The following PTCHD4 variants were observed in gnomAD, a reference collection of about 807,000 sequenced individuals.
PTCHD4 encodes the protein patched domain containing 4, also known as patched domain-containing protein 4.
A neutral mutation model predicts 58.1 loss-of-function variants in PTCHD4; 33 were observed. The observed-to-expected ratio is 0.57, with a 90% CI of 0.43 to 0.76. The LOEUF (loss-of-function observed/expected upper bound fraction) is 0.76, where lower values mean the gene tolerates loss of function less well. PTCHD4 is among the 30% of genes least tolerant of loss of function. The pLI is 0.00. For missense variants in PTCHD4, 1,058 were observed against 1,027.1 expected (o/e 1.03, Z -0.41); for synonymous variants, 478 against 409.6 (o/e 1.17, Z -2.02).
chr6:48,040,077 G>A (rs1456082280), intron 3 of PTCHD4, among the ~76,000 whole-genome samples: 1 of 151,982 alleles, frequency 6.6e-6, no homozygotes, highest in African/African-American at 2.4e-5. Flanking sequence ...CAAGAGAATG[G>A]GCAACCTTTA....
intron 4 of PTCHD4, among the ~76,000 whole-genome samples, chr6:47,916,939 T>C (rs1765277306): frequency 1.4e-5 from 2 of 143,984 alleles, no homozygotes; most frequent in South Asian, 4.7e-4. Flanking sequence ...TTTAAAGAAA[T>C]TCCCTGGTTT....
intron 3 of PTCHD4, among the ~76,000 whole-genome samples, chr6:48,022,023 T>G (rs1312273736): frequency 6.6e-6 from 1 of 152,108 alleles, no homozygotes; most frequent in African/African-American, 2.4e-5. Context: ...TTATTTACAT[T>G]TGGGAGTGAA....
chr6:47,888,260 G>A (rs1764256370), intron 4 of PTCHD4, among the ~76,000 whole-genome samples: 1 of 152,198 alleles, frequency 6.6e-6, no homozygotes, highest in South Asian at 2.1e-4. Flanking sequence ...GGGAGGCTGA[G>A]GCAGGAGAAT....
At chr6:47,890,064 T>A (rs1386049118) in intron 4 of PTCHD4, among the ~76,000 whole-genome samples, 1 of 129,764 alleles carries the variant, frequency 7.7e-6, no homozygotes, top group East Asian at 3.0e-4. Flanking sequence ...TGTGTGTGTT[T>A]GTGCATATAT....
intron 1 of PTCHD4, among the ~76,000 whole-genome samples, chr6:48,095,113 A>G (rs931201007): frequency 6.6e-6 from 1 of 152,230 alleles, no homozygotes; most frequent in African/African-American, 2.4e-5. Flanking sequence ...ATAGTTTCAT[A>G]GAGGTATATA....
intron 4 of PTCHD4, chr6:47,900,692 A>G (rs931093838): frequency 1.3e-5 from 2 of 152,110 alleles, no homozygotes; most frequent in Non-Finnish European, 2.9e-5. Context: ...GTTCCCTTCT[A>G]TTACTAGTTT....
intron 4 of PTCHD4, among the ~76,000 whole-genome samples, chr6:47,944,763 T>C (rs1766354021): frequency 1.3e-5 from 2 of 152,104 alleles, no homozygotes; most frequent in South Asian, 2.1e-4. Context: ...CAAGCATTTA[T>C]TGAAGACCTA....
Position 47,896,345 on chromosome 6 carries a change from T to C in PTCHD4, c.899-16409A>G, listed in dbSNP as rs1003295261. On this transcript the variant is annotated intron_variant, in intron 4 of 4. Coordinates refer to ENST00000339488, the MANE Select transcript of PTCHD4 (RefSeq NM_001384253.1). ...CCCGTTTCTCTCTTATGAGGCAGAG[T>C]ATCCTAACAATTCTTTTTGGATAAG... 2.6e-5 allele frequency among the ~76,000 whole-genome samples: 4 copies of C among 152,156 alleles called. No individual in the cohort carries two copies. In the East Asian group the frequency reaches 7.7e-4, roughly 29 times the overall value.
At chr6:48,025,374 C>T (rs772922312) in intron 3 of PTCHD4, among the ~76,000 whole-genome samples, 18 of 152,160 alleles carry the variant, frequency 1.2e-4, no homozygotes, top group Non-Finnish European at 2.1e-4. Flanking sequence ...TTGACAGCAC[C>T]TGTTATAAAC....
intron 1 of PTCHD4, among the ~76,000 whole-genome samples, chr6:48,096,337 C>T (rs1277115445): frequency 2.0e-5 from 3 of 152,192 alleles, no homozygotes; most frequent in East Asian, 3.9e-4. Flanking sequence ...CATGGCATGG[C>T]GTGGTGGCTC....
At position 47,867,068 on chromosome 6, in the gene PTCHD4, G is replaced by C. The variant is rs1410827; in HGVS notation, c.*11235C>G. 6.6e-6 allele frequency among the ~76,000 whole-genome samples: 1 copy of C among 151,558 alleles called. No homozygotes were observed. The highest frequency in any genetic ancestry group is 1.5e-5 in the Non-Finnish European group (1 of 67,802). On this transcript the variant is annotated 3_prime_UTR_variant, in exon 5 of 5. Transcript: ENST00000339488. ...CTTGTTTACAATGTTTTCTTTCTGGGAACAATCTATAAATCAGGGACAATA... is the reference window on the plus strand; with the variant it reads ...CTTGTTTACAATGTTTTCTTTCTGGCAACAATCTATAAATCAGGGACAATA...
intron 3 of PTCHD4, among the ~76,000 whole-genome samples, chr6:48,023,567 G>C (rs548811270): frequency 2.0e-5 from 3 of 152,046 alleles, no homozygotes; most frequent in Admixed American, 2.0e-4. Flanking sequence ...CCTCCTAATT[G>C]TATCCCTTCT....
intron 1 of PTCHD4, among the ~76,000 whole-genome samples, chr6:48,074,628 C>G (rs1765028780): frequency 6.6e-6 from 1 of 152,222 alleles, no homozygotes; most frequent in Non-Finnish European, 1.5e-5. Context: ...GGCCAGCCTC[C>G]TCTCTGAGCA....
At chr6:48,001,680 A>G (rs1768727810) in intron 4 of PTCHD4, among the ~76,000 whole-genome samples, 1 of 152,236 alleles carries the variant, frequency 6.6e-6, no homozygotes, top group Non-Finnish European at 1.5e-5. Context: ...AGGCAATACC[A>G]TTCAGGACAT....
At chr6:48,044,222 C>T (rs1330840680) in intron 3 of PTCHD4, among the ~76,000 whole-genome samples, 3 of 151,868 alleles carry the variant, frequency 2.0e-5, no homozygotes, top group East Asian at 3.9e-4. Context: ...CTACTCCCTC[C>T]TGTCAGAAAG....
intron 4 of PTCHD4, among the ~76,000 whole-genome samples, chr6:47,941,572 T>G (rs1766225755): frequency 6.6e-6 from 1 of 152,116 alleles, no homozygotes; most frequent in South Asian, 2.1e-4. Context: ...GGCAGAGCCA[T>G]AAAGTAGCAA....
chr6:48,065,198 C>T (rs1250554462), intron 3 of PTCHD4, among the ~76,000 whole-genome samples: 2 of 152,194 alleles, frequency 1.3e-5, no homozygotes, highest in African/African-American at 4.8e-5. Flanking sequence ...TCAGTGTTTA[C>T]ACATCTTCAG....
Position 47,864,977 on chromosome 6 carries a change from G to A in PTCHD4, c.*13326C>T, listed in dbSNP as rs1007132844. Among the ~76,000 whole-genome samples the A allele has an allele frequency of 2.0e-5, 3 of 151,902 alleles. No homozygotes were observed. Among genetic ancestry groups the A allele is most frequent in the African/African-American group, 7.2e-5 (3 of 41,394 alleles). On this transcript the variant is annotated 3_prime_UTR_variant, in exon 5 of 5. Coordinates refer to ENST00000339488, the MANE Select transcript of PTCHD4 (RefSeq NM_001384253.1). ...TACATAACTTTCATAGAAGATGACT[G>A]CAGAGCAGATCTCTGATTGTGGGAG...
intron 4 of PTCHD4, among the ~76,000 whole-genome samples, chr6:47,941,537 C>T (rs761955358): frequency 6.6e-6 from 1 of 152,134 alleles, no homozygotes; most frequent in African/African-American, 2.4e-5. Context: ...CATGAATCCA[C>T]GTGGTATAGA....
Sources: allele counts gnomAD v4.1 joint callset (sites outside exome capture counted in the v4.1 genomes callset), GRCh38; gene constraint gnomAD v4.1.1; transcripts MANE v1.5; gene names NCBI Gene and HGNC (gene_info 2026-07-23, HGNC 2026-07-21).